The following LY9 variants were observed in gnomAD, a reference collection of about 807,000 sequenced individuals.
The protein encoded by LY9 is T-lymphocyte surface antigen Ly-9.
Under a neutral mutation model 64.6 loss-of-function variants are expected in LY9, and 59 were observed. The observed-to-expected ratio is 0.91, with a 90% CI of 0.74 to 1.13. LY9 has a LOEUF of 1.13. Among genes scored for constraint, LY9 ranks in the 50% most tolerant of loss-of-function variants. The probability of loss-of-function intolerance (pLI) is 0.00; values close to 1 mark genes in which losing one functional copy is unlikely to be tolerated. For synonymous variants in LY9, 281 were observed against 308.5 expected, an observed-to-expected ratio of 0.91 and a Z score of 0.93; for missense variants, 789 against 797.2, an observed-to-expected ratio of 0.99 and a Z score of 0.12.
intron 9 of LY9, among the ~76,000 whole-genome samples, chr1:160,825,907 T>C (rs904978771): frequency 6.2e-5 from 7 of 112,592 alleles, no homozygotes; most frequent in Non-Finnish European, 1.1e-4. Flanking sequence ...CAAAACTCCA[T>C]CTCAAAAAAA....
At chr1:160,809,030 T>C (rs992135466) in intron 2 of LY9, among the ~76,000 whole-genome samples, 7 of 152,142 alleles carry the variant, frequency 4.6e-5, no homozygotes, top group African/African-American at 1.7e-4. Context: ...TTGTTTCTGC[T>C]TATAGAAATA....
chr1:160,816,184 C>T (rs1001289060), intron 4 of LY9, among the ~76,000 whole-genome samples: 6 of 152,176 alleles, frequency 3.9e-5, no homozygotes, highest in African/African-American at 1.4e-4. Flanking sequence ...TCAGGTACAG[C>T]GCTCACCTCT....
chr1:160,821,584 T>A (rs1439173673), intron 7 of LY9, among the ~76,000 whole-genome samples: 1 of 152,234 alleles, frequency 6.6e-6, no homozygotes, highest in African/African-American at 2.4e-5. Flanking sequence ...TTTCCTCTCA[T>A]CACTTTGCCA....
rs1392982177 is a variant in LY9 at position 160,819,350 on chromosome 1, G to T, written c.1474G>T (p.Ala492Ser). The T allele has an allele frequency of 1.2e-6, 2 of 1,613,746 alleles. No individual in the cohort carries two copies. The highest frequency in any genetic ancestry group is 1.3e-5 in the African/African-American group (1 of 75,020). The change falls in exon 7 of 10, where the codon GCT becomes TCT. Residue 492 changes from alanine to serine, a missense_variant. Coordinates refer to ENST00000263285, the MANE Select transcript of LY9 (RefSeq NM_002348.4). ...AGTCCCAGCCTTCTGTTCCAGCCAA[G>T]CTGAGGCCCCAGCGGATACACCAGG... ...CSVPAFCSSQ[A>S]EAPADTPEPT...
intron 9 of LY9, among the ~76,000 whole-genome samples, chr1:160,825,346 C>G (rs1359759983): frequency 6.6e-6 from 1 of 152,088 alleles, no homozygotes; most frequent in Admixed American, 6.5e-5. Context: ...TGTAATACTT[C>G]TAGAAAAGTG....
intron 2 of LY9, among the ~76,000 whole-genome samples, chr1:160,806,736 C>G (rs187750695): frequency 6.6e-6 from 1 of 152,310 alleles, no homozygotes; most frequent in Admixed American, 6.5e-5. Context: ...CTGGGAATTG[C>G]TGAGCCTCCT....
At chr1:160,821,593 C>G (rs1668453942) in intron 7 of LY9, among the ~76,000 whole-genome samples, 1 of 152,128 alleles carries the variant, frequency 6.6e-6, no homozygotes, top group Non-Finnish European at 1.5e-5. Context: ...ATCACTTTGC[C>G]AAGCTCAACT....
At chr1:160,825,267 A>T (rs1198622075) in intron 9 of LY9, among the ~76,000 whole-genome samples, 1 of 152,096 alleles carries the variant, frequency 6.6e-6, no homozygotes. Context: ...TAATGATAAT[A>T]ATAACTGACT....
Position 160,803,290 on chromosome 1 carries a change from AT to A in LY9, c.454+3219del, listed in dbSNP as rs55716945. 4.7e-3 allele frequency among the ~76,000 whole-genome samples: 708 copies of A among 151,156 alleles called. 2 individuals carry two copies. The highest frequency in any genetic ancestry group is 0.011 in the Admixed American group (164 of 15,186). On this transcript the variant is annotated intron_variant, in intron 2 of 9. Coordinates refer to ENST00000263285, the MANE Select transcript of LY9 (RefSeq NM_002348.4). ...AAGTGAAAACCGTGTCTAAAAAAAA[AT>A]TTTTTTTTTTAAAAAGTATTGTTTT... is the stretch of plus-strand genomic sequence containing the variant.
In LY9 at chr1:160,817,052, AAGAAGAAATAAAGTT is replaced by A. The variant is rs534879825; in HGVS notation, c.1342+191_1342+205del. 3.3e-5 allele frequency among the ~76,000 whole-genome samples: 5 copies of A among 152,384 alleles called. No homozygotes were observed. In the East Asian group the frequency reaches 9.6e-4, roughly 29 times the overall value. ...TTCTAATAGCCACGTTAGAAAAAGCAAGAAGAAATAAAGTTATTTTAATAATATGTTTTATTTAAC... is the reference window on the plus strand; with the variant it reads ...TTCTAATAGCCACGTTAGAAAAAGCAATTTTAATAATATGTTTTATTTAAC... On this transcript the variant is annotated intron_variant, in intron 5 of 9. Transcript: ENST00000263285.
chr1:160,821,937 T>G (rs773031555), intron 7 of LY9, among the ~76,000 whole-genome samples: 3 of 152,222 alleles, frequency 2.0e-5, no homozygotes, highest in African/African-American at 4.8e-5. Flanking sequence ...TGCCCGAGTT[T>G]CCTCATCTAC....
chr1:160,816,645 G>T lies in LY9; in HGVS notation c.1124G>T (p.Gly375Val), dbSNP rs1489581320. 1 of 1,613,812 alleles carries T rather than the reference G, an allele frequency of 6.2e-7. No homozygotes were observed. The part of the protein sequence containing the change: ...ITWSLRHSED[G>V]ICRISLTCSV... The stretch of plus-strand genomic sequence containing the variant: ...TGGAGCCTCAGGCACAGTGAGGATG[G>T]CATCTGCAGGATCAGCCTGACCTGC... The change falls in exon 5 of 10, where the codon GGC becomes GTC. Residue 375 changes from glycine (G) to valine (V), a missense_variant. Transcript: ENST00000263285.
Position 160,814,521 on chromosome 1 carries a change from G to C in LY9, c.832G>C (p.Glu278Gln), listed in dbSNP as rs1328801423. 3.7e-6 allele frequency: 6 copies of C among 1,614,178 alleles called. No homozygotes were observed. The South Asian group carries it at 6.6e-5, about 18-fold the overall frequency. Residue 278 changes from glutamate (E) to glutamine (Q), a missense_variant, in exon 4 of 10, where the codon GAG becomes CAG. Transcript: ENST00000263285. ...TGCACTCCCAGCCTGCCGGGACACA[G>C]AGAAGGTTGTCTGGTTGTTTAACAC... is the stretch of plus-strand genomic sequence containing the variant. The part of the protein sequence containing the change: ...PLALPACRDT[E>Q]KVVWLFNTSI...
Position 160,815,564 on chromosome 1 carries a change from T to G in LY9, c.1072+803T>G, listed in dbSNP as rs144594967. Reference sequence around the variant, plus strand: ...ACCACAACCAGCTAATTTTTGTACTTTTAGTAGAGATAGGGTTTTGCCATA... The same window carrying G: ...ACCACAACCAGCTAATTTTTGTACTGTTAGTAGAGATAGGGTTTTGCCATA... On this transcript the variant is annotated intron_variant, in intron 4 of 9. Transcript: ENST00000263285. Among the ~76,000 whole-genome samples, 450 of 152,208 alleles carry G rather than the reference T, an allele frequency of 3.0e-3. 7 individuals carry two copies. Among genetic ancestry groups the G allele is most frequent in the African/African-American group, 0.01 (420 of 41,524 alleles).
chr1:160,807,827 A>G (rs1229108280), intron 2 of LY9, among the ~76,000 whole-genome samples: 2 of 152,106 alleles, frequency 1.3e-5, no homozygotes, highest in African/African-American at 4.8e-5. Context: ...GGGTTGGGCA[A>G]TCCCCAAGAT....
In LY9 at chr1:160,816,838, G is replaced by A. The variant is rs1667996022; in HGVS notation, c.1317G>A (p.Gln439=). The A allele has an allele frequency of 1.2e-6, 2 of 1,614,100 alleles. No homozygotes were observed. Among genetic ancestry groups the A allele is most frequent in the Non-Finnish European group, 1.7e-6 (2 of 1,180,040 alleles). The change falls in exon 5 of 10, where the codon CAG becomes CAA. Residue 439 remains glutamine, a synonymous_variant. Coordinates refer to ENST00000263285, the MANE Select transcript of LY9 (RefSeq NM_002348.4). ...ASNPVSRSSH[Q]FLSENICSGP... ...ACCCTGTCAGCAGGAGTTCCCACCA[G>A]TTTCTTTCTGAGAACATCTGTTCAG...
At chr1:160,800,844 G>C (rs990634189) in intron 2 of LY9, among the ~76,000 whole-genome samples, 4 of 152,172 alleles carry the variant, frequency 2.6e-5, no homozygotes, top group Admixed American at 6.5e-5. Context: ...ATGGCCTCCA[G>C]TTTCATCCAT....
intron 5 of LY9, 121 bp from the exon 6 acceptor site, chr1:160,818,097 G>T: frequency 1.5e-6 from 1 of 680,868 alleles, no homozygotes; most frequent in Non-Finnish European, 2.6e-6. Flanking sequence ...TGAAAAGAAA[G>T]ACTTTCCACA....
intron 2 of LY9, among the ~76,000 whole-genome samples, chr1:160,804,367 GTCTATTGATGTGATGTATCACA>G (rs1666771414): frequency 6.6e-6 from 1 of 152,064 alleles, no homozygotes; most frequent in Non-Finnish European, 1.5e-5. Context: ...TTATCCTTCA[GTCTATTGATGTGATGTATCACA>G]TTTATTGATT....
Sources: allele counts gnomAD v4.1 joint callset (sites outside exome capture counted in the v4.1 genomes callset), GRCh38; gene constraint gnomAD v4.1.1; transcripts MANE v1.5; gene names NCBI Gene and HGNC (gene_info 2026-07-23, HGNC 2026-07-21).